Variants in NTNG1 observed in about 807,000 individuals in gnomAD.
NTNG1 encodes the protein netrin G1, also known as netrin-G1.
A neutral mutation model predicts 54.0 loss-of-function variants in NTNG1; 16 were observed. The observed-to-expected ratio is 0.30, with a 90% CI of 0.20 to 0.45. The LOEUF is 0.45. Ranked by LOEUF, NTNG1 falls within the 20% of genes least tolerant of loss-of-function variation. The pLI is 1.00. For synonymous variants in NTNG1, 255 were observed against 263.1 expected, an observed-to-expected ratio of 0.97 and a Z score of 0.30; for missense variants, 530 against 678.7, an observed-to-expected ratio of 0.78 and a Z score of 2.43.
chr1:107,211,443 A>C (rs1392814665), intron 2 of NTNG1, among the ~76,000 whole-genome samples: 1 of 152,200 alleles, frequency 6.6e-6, no homozygotes, highest in African/African-American at 2.4e-5. Flanking sequence ...TAATACCTAT[A>C]AGAGGCAGAT....
At chr1:107,382,018 T>C (rs1232351314) in intron 3 of NTNG1, among the ~76,000 whole-genome samples, 1 of 152,142 alleles carries the variant, frequency 6.6e-6, no homozygotes, top group Non-Finnish European at 1.5e-5. Flanking sequence ...CCAATCACAA[T>C]GGTTGGTTCA....
At chr1:107,147,060 T>C (rs1654174568) in intron 1 of NTNG1, among the ~76,000 whole-genome samples, 1 of 152,102 alleles carries the variant, frequency 6.6e-6, no homozygotes, top group Non-Finnish European at 1.5e-5. Flanking sequence ...AATACCTGGT[T>C]TCCAAATGTT....
chr1:107,440,191 C>T (rs1241155995), intron 7 of NTNG1, among the ~76,000 whole-genome samples: 2 of 152,006 alleles, frequency 1.3e-5, no homozygotes, highest in Non-Finnish European at 2.9e-5. Context: ...TCCAAGGGAT[C>T]CAGGCCCAAG....
At chr1:107,476,094 G>T (rs1404177165) in intron 7 of NTNG1, among the ~76,000 whole-genome samples, 1 of 152,178 alleles carries the variant, frequency 6.6e-6, no homozygotes, top group Non-Finnish European at 1.5e-5. Context: ...AACTCAAAGT[G>T]CCCTTACTGT....
Position 107,258,286 on chromosome 1 carries a change from AG to A in NTNG1, c.247-65994del, listed in dbSNP as rs776278052. Among the ~76,000 whole-genome samples the A allele has an allele frequency of 2.1e-3, 293 of 142,660 alleles. 1 individual carries two copies. The highest frequency in any genetic ancestry group is 5.5e-3 in the African/African-American group (207 of 37,554). The allele number at this position is 142,660 out of a possible 152,430, so 93.6% of individuals were successfully genotyped here. On this transcript the variant is annotated intron_variant, in intron 2 of 7. Transcript: ENST00000370068. ...TTTTTTTTCATTTTATTAGTGGTTG[AG>A]GAAAAAAAAAAACCCATGATATTAG...
intron 2 of NTNG1, among the ~76,000 whole-genome samples, chr1:107,176,980 A>G (rs779467976): frequency 6.6e-6 from 1 of 152,192 alleles, no homozygotes; most frequent in East Asian, 1.9e-4. Flanking sequence ...AAACCATCAT[A>G]TCTTCAGATA....
rs1208948103 is a variant in NTNG1, at chr1:107,187,676, C to T, written c.246+38837C>T. Among the ~76,000 whole-genome samples, 6 of 152,246 alleles carry T rather than the reference C, an allele frequency of 3.9e-5. No individual in the cohort carries two copies. In the East Asian group the frequency reaches 9.7e-4, roughly 25 times the overall value. ...CTGCAAAAGGACAACGAAGAGTTAACTCTGTATCTGAGATACTAAATATCG... is the reference window on the plus strand; with the variant it reads ...CTGCAAAAGGACAACGAAGAGTTAATTCTGTATCTGAGATACTAAATATCG... On this transcript the variant is annotated intron_variant, in intron 2 of 7. Coordinates refer to ENST00000370068, the MANE Select transcript of NTNG1 (RefSeq NM_001113226.3).
intron 5 of NTNG1, among the ~76,000 whole-genome samples, chr1:107,423,744 T>C (rs148212506): frequency 2.3e-3 from 349 of 152,250 alleles, no homozygotes; most frequent in African/African-American, 8.1e-3. Flanking sequence ...TTAATAGACA[T>C]GTAGTGAACT....
intron 2 of NTNG1, among the ~76,000 whole-genome samples, chr1:107,177,235 A>G (rs1360678418): frequency 1.3e-5 from 2 of 152,176 alleles, no homozygotes; most frequent in African/African-American, 4.8e-5. Context: ...CATTTGTAGC[A>G]AAATACTACA....
chr1:107,276,906 T>C (rs1664515605), intron 2 of NTNG1, among the ~76,000 whole-genome samples: 1 of 151,966 alleles, frequency 6.6e-6, no homozygotes, highest in Non-Finnish European at 1.5e-5. Context: ...ATAGAGGTCC[T>C]CCAAGAAACA....
At chr1:107,444,859 C>T (rs1676211102) in intron 7 of NTNG1, among the ~76,000 whole-genome samples, 1 of 152,046 alleles carries the variant, frequency 6.6e-6, no homozygotes, top group South Asian at 2.1e-4. Context: ...AGTGGTAATA[C>T]AATATGTGAA....
At chr1:107,307,411 C>G (rs1278524203) in intron 2 of NTNG1, among the ~76,000 whole-genome samples, 5 of 152,136 alleles carry the variant, frequency 3.3e-5, no homozygotes, top group African/African-American at 1.2e-4. Context: ...CTAGTAATTT[C>G]TGACTTGTAT....
At chr1:107,460,805 A>G (rs1365640886) in intron 7 of NTNG1, among the ~76,000 whole-genome samples, 3 of 152,158 alleles carry the variant, frequency 2.0e-5, no homozygotes, top group African/African-American at 7.2e-5. Context: ...GGCTGCATAA[A>G]ACAACACTGC....
At chr1:107,284,609 G>A (rs994567724) in intron 2 of NTNG1, among the ~76,000 whole-genome samples, 1 of 151,892 alleles carries the variant, frequency 6.6e-6, no homozygotes, top group African/African-American at 2.4e-5. Flanking sequence ...TTTACATAAT[G>A]CCAAGCAAAA....
chr1:107,344,830 GTTTA>G (rs1346059827), intron 3 of NTNG1, among the ~76,000 whole-genome samples: 2 of 152,176 alleles, frequency 1.3e-5, no homozygotes, highest in East Asian at 1.9e-4. Flanking sequence ...TGACAACAGT[GTTTA>G]TTTATCCTCA....
At chr1:107,383,719 G>A (rs978459156) in intron 3 of NTNG1, among the ~76,000 whole-genome samples, 3 of 152,200 alleles carry the variant, frequency 2.0e-5, no homozygotes, top group African/African-American at 7.2e-5. Context: ...CTTGAACTCA[G>A]CCCCTTTTGT....
chr1:107,400,670 T>C (rs1217202788), intron 4 of NTNG1, among the ~76,000 whole-genome samples: 1 of 147,360 alleles, frequency 6.8e-6, no homozygotes, highest in Non-Finnish European at 1.5e-5. Context: ...TTTTTTGAGA[T>C]GTAGTTTTGC....
At position 107,222,651 on chromosome 1, in the gene NTNG1, C is replaced by T. The variant is rs117865969; in HGVS notation, c.246+73812C>T. Among the ~76,000 whole-genome samples the T allele has an allele frequency of 2.4e-4, 36 of 152,094 alleles. No homozygotes were observed. The East Asian group carries it at 5.8e-3, about 25-fold the overall frequency. On this transcript the variant is annotated intron_variant, in intron 2 of 7. Coordinates refer to ENST00000370068, the MANE Select transcript of NTNG1 (RefSeq NM_001113226.3). Reference sequence around the variant, plus strand: ...ATTGTTGGATGATTGAAACAATGCCCGTGGAAATGATGAAGATGTAGATGT... The same window carrying T: ...ATTGTTGGATGATTGAAACAATGCCTGTGGAAATGATGAAGATGTAGATGT...
rs1306350931 is a variant in NTNG1, at chr1:107,241,848, TTTAC to T, written c.247-82431_247-82428del. On this transcript the variant is annotated intron_variant, in intron 2 of 7. Transcript: ENST00000370068. ...GTCTTTAAAATCTTGAACCATCAGT[TTTAC>T]TTTAACTTCTCGAGAAAAAAAATCT... Among the ~76,000 whole-genome samples the T allele has an allele frequency of 1.4e-4, 21 of 152,194 alleles. No individual in the cohort carries two copies. The East Asian group carries it at 4.1e-3, about 29-fold the overall frequency.
Sources: allele counts gnomAD v4.1 joint callset (sites outside exome capture counted in the v4.1 genomes callset), GRCh38; gene constraint gnomAD v4.1.1; transcripts MANE v1.5; gene names NCBI Gene and HGNC (gene_info 2026-07-23, HGNC 2026-07-21).